Variants in CLEC16A observed in about 807,000 individuals in gnomAD.
CLEC16A encodes the protein protein CLEC16A.
CLEC16A carries 51 observed loss-of-function variants against 109.5 expected under a neutral mutation model. The ratio of observed to expected loss-of-function variants is 0.47; its 90% confidence interval spans 0.37 to 0.59. The LOEUF (loss-of-function observed/expected upper bound fraction) is 0.59, where lower values mean the gene tolerates loss of function less well. Ranked by LOEUF, CLEC16A falls within the 20% of genes least tolerant of loss-of-function variation. The pLI is 0.00. For missense variants in CLEC16A, 1,339 were observed against 1,394.0 expected, an observed-to-expected ratio of 0.96 and a Z score of 0.63; for synonymous variants, 673 against 564.2, an observed-to-expected ratio of 1.19 and a Z score of -2.73.
At chr16:10,971,039 GTC>G in intron 4 of CLEC16A, 84 bp from the exon 5 acceptor site, 2 of 526,324 alleles carry the variant, frequency 3.8e-6, no homozygotes, top group Non-Finnish European at 6.7e-6. Flanking sequence ...TTTTTCTGAA[GTC>G]TCTGATGGAA....
chr16:10,956,920 C>G (rs376493092), intron 1 of CLEC16A, among the ~76,000 whole-genome samples: 2 of 152,258 alleles, frequency 1.3e-5, no homozygotes, highest in East Asian at 3.9e-4. Flanking sequence ...GCCTCAGCTT[C>G]CAGAGTAGCT....
chr16:11,145,868 C>A (rs1329803293), intron 22 of CLEC16A, among the ~76,000 whole-genome samples: 1 of 152,232 alleles, frequency 6.6e-6, no homozygotes, highest in African/African-American at 2.4e-5. Flanking sequence ...CGCTGGCTCC[C>A]ATCACTCAGA....
At chr16:10,974,956 G>A (rs1455357275) in intron 7 of CLEC16A, among the ~76,000 whole-genome samples, 1 of 152,180 alleles carries the variant, frequency 6.6e-6, no homozygotes, top group Admixed American at 6.5e-5. Context: ...TACCTAAAAT[G>A]GCTCAATTGC....
intron 19 of CLEC16A, among the ~76,000 whole-genome samples, chr16:11,071,829 C>T (rs1434367064): frequency 6.8e-6 from 1 of 146,406 alleles, no homozygotes; most frequent in African/African-American, 2.5e-5. Flanking sequence ...CCCCTGGGCT[C>T]AAGCAGTCCT....
intron 19 of CLEC16A, among the ~76,000 whole-genome samples, chr16:11,089,879 T>C (rs1333083304): frequency 6.6e-6 from 1 of 152,208 alleles, no homozygotes; most frequent in Non-Finnish European, 1.5e-5. Context: ...GCTCCGTTTT[T>C]TCCATCCCTG....
At position 11,051,528 on chromosome 16, in the gene CLEC16A, G is replaced by A. The variant is rs776013563; in HGVS notation, c.1882G>A (p.Val628Met). The A allele has an allele frequency of 3.1e-6, 5 of 1,613,820 alleles. No homozygotes were observed. The highest frequency in any genetic ancestry group is 2.2e-5 in the South Asian group (2 of 91,082). Residue 628 changes from valine (V) to methionine (M), a missense_variant, in exon 18 of 24, where the codon GTG (valine) becomes ATG (methionine). Around this residue, in one of 3 missense-constraint regions of CLEC16A, gnomAD observed 1,061 missense variants for 1,006.8 expected, o/e 1.05. Coordinates refer to ENST00000409790, the MANE Select transcript of CLEC16A (RefSeq NM_015226.3). ...YRSMTMKPMNVEYLMMDASIL... is the reference protein window; with the variant it reads ...YRSMTMKPMNMEYLMMDASIL... ...TCTCTTCTAGATGAAGCCCATGAACGTGGAATATCTCATGATGGACGCCTC... is the reference window on the plus strand; with the variant it reads ...TCTCTTCTAGATGAAGCCCATGAACATGGAATATCTCATGATGGACGCCTC...
chr16:11,130,242 G>T (rs887957957), intron 22 of CLEC16A, among the ~76,000 whole-genome samples: 11 of 152,194 alleles, frequency 7.2e-5, no homozygotes, highest in African/African-American at 2.7e-4. Flanking sequence ...AGTGAAGAAT[G>T]AGCCTGCATT....
intron 1 of CLEC16A, among the ~76,000 whole-genome samples, chr16:10,952,518 T>C (rs1383088106): frequency 6.6e-6 from 1 of 152,224 alleles, no homozygotes; most frequent in Non-Finnish European, 1.5e-5. Flanking sequence ...CAACAAAAAG[T>C]TATTAAAATG....
intron 22 of CLEC16A, among the ~76,000 whole-genome samples, chr16:11,135,299 C>T (rs1279142145): frequency 6.6e-6 from 1 of 152,158 alleles, no homozygotes; most frequent in Non-Finnish European, 1.5e-5. Flanking sequence ...AGAGAGAGAG[C>T]CTCAGGGAAT....
At chr16:11,176,339 G>A (rs1248732941) in intron 23 of CLEC16A, among the ~76,000 whole-genome samples, 1 of 152,170 alleles carries the variant, frequency 6.6e-6, no homozygotes, top group Non-Finnish European at 1.5e-5. Flanking sequence ...AGTGTTCACC[G>A]ATGCCCATTG....
At chr16:11,032,606 T>C (rs577002316) in intron 13 of CLEC16A, among the ~76,000 whole-genome samples, 2 of 152,146 alleles carry the variant, frequency 1.3e-5, no homozygotes, top group Admixed American at 6.5e-5. Flanking sequence ...TGAGGAAGCC[T>C]AGTGGTTGTG....
rs2042858523 is a variant in CLEC16A at position 10,972,862 on chromosome 16, T to C, written c.605-76T>C. ...ATTGTGGTTTTTGGGTTTTGCTTTG[T>C]TTTTGTTTTTTTTTTAATCTTCCCC... On this transcript the variant is annotated intron_variant, in intron 6 of 23. Coordinates refer to ENST00000409790, the MANE Select transcript of CLEC16A (RefSeq NM_015226.3). The C allele has an allele frequency of 2.0e-6, 3 of 1,471,598 alleles. No homozygotes were observed. In the African/African-American group the frequency reaches 4.3e-5, roughly 21 times the overall value. The allele number at this position is 1,471,598 out of a possible 1,614,324, so 91.2% of individuals were successfully genotyped here. A position where few individuals can be genotyped will look rare whatever the true frequency, so the allele number is the denominator to read the frequency against.
intron 12 of CLEC16A, 97 bp downstream of exon 12, chr16:11,020,422 C>G (rs899535245): frequency 1.4e-6 from 2 of 1,384,044 alleles, no homozygotes; most frequent in African/African-American, 2.9e-5. Context: ...TCTTCTGTCC[C>G]TCAGCCCGAC....
chr16:10,972,442 C>T, intron 5 of CLEC16A, 112 bp from the exon 6 acceptor site: 1 of 903,744 alleles, frequency 1.1e-6, no homozygotes, highest in Non-Finnish European at 1.8e-6. Context: ...GCCTCCCACC[C>T]TAGTCTCTCT....
chr16:10,968,046 C>T (rs2042596973), intron 3 of CLEC16A, among the ~76,000 whole-genome samples: 1 of 152,236 alleles, frequency 6.6e-6, no homozygotes. Flanking sequence ...AAACCATGCC[C>T]CCAGCAGGTG....
chr16:11,166,983 G>A (rs1000342878), intron 23 of CLEC16A, among the ~76,000 whole-genome samples: 4 of 152,010 alleles, frequency 2.6e-5, no homozygotes, highest in Non-Finnish European at 4.4e-5. Context: ...AATGTGGTGC[G>A]GTCCAGTTGT....
Position 10,944,781 on chromosome 16 carries a change from T to A in CLEC16A, c.64T>A (p.Ser22Thr), listed in dbSNP as rs1466398037. ...GHGKTSRNIH[S>T]LDHLKYLYHV... Reference sequence around the variant, plus strand: ...TGGCAAGACTTCCCGCAACATCCACTCCTTGGACCACCTCAAGTGAGTGTG... The same window carrying A: ...TGGCAAGACTTCCCGCAACATCCACACCTTGGACCACCTCAAGTGAGTGTG... Residue 22 changes from serine to threonine, a missense_variant, in exon 1 of 24, where the codon TCC (serine) becomes ACC (threonine). By Grantham distance (58) the Ser-to-Thr change is moderately conservative. Transcript: ENST00000409790. The A allele has an allele frequency of 1.2e-6, 2 of 1,609,312 alleles. No homozygotes were observed. Among genetic ancestry groups the A allele is most frequent in the Admixed American group, 3.3e-5 (2 of 59,734 alleles).
At position 11,166,563 on chromosome 16, in the gene CLEC16A, C is replaced by T. The variant is rs201442604; in HGVS notation, c.2806+11C>T. ...CCCAGAGTCCAGCAGGTATTGGCCA[C>T]GTGACTCAGTGATATGGGGACATTT... On this transcript the variant is annotated intron_variant, in intron 23 of 23. Transcript: ENST00000409790. 88 of 1,576,152 alleles carry T rather than the reference C, an allele frequency of 5.6e-5. 1 individual carries two copies. In the South Asian group the frequency reaches 8.2e-4, roughly 15 times the overall value.
intron 10 of CLEC16A, among the ~76,000 whole-genome samples, chr16:10,983,444 T>G (rs1453031185): frequency 2.6e-5 from 4 of 152,242 alleles, no homozygotes; most frequent in African/African-American, 9.6e-5. Flanking sequence ...AGGCTGCTGC[T>G]GTTCTGCAGG....
Sources: gnomAD v4.1 joint callset for allele counts (sites outside exome capture counted in the v4.1 genomes callset) on GRCh38, gnomAD v4.1.1 for gene constraint, gnomAD v4.1.1 regional missense constraint, MANE v1.5 for transcripts, NCBI Gene and HGNC (gene_info 2026-07-23, HGNC 2026-07-21) for gene names.